ARID1B: variants seen among roughly 807,000 people sequenced by gnomAD.
ARID1B encodes the protein AT-rich interaction domain 1B, also known as AT-rich interactive domain-containing protein 1B.
Under a neutral mutation model 212.3 loss-of-function variants are expected in ARID1B, and 30 were observed. That is an observed-to-expected ratio of 0.14 (90% confidence interval 0.11 to 0.19). The LOEUF (loss-of-function observed/expected upper bound fraction) is 0.19. Ranked by LOEUF, ARID1B falls within the 10% of genes least tolerant of loss-of-function variation. The probability of loss-of-function intolerance (pLI) is 1.00; values close to 1 mark genes in which losing one functional copy is unlikely to be tolerated. For missense variants in ARID1B, 2,891 were observed against 3,204.0 expected (o/e 0.90, Z 2.36); for synonymous variants, 1,402 against 1,301.7 (o/e 1.08, Z -1.66).
At chr6:157,097,332 C>T (rs578030353) in intron 5 of ARID1B, among the ~76,000 whole-genome samples, 1 of 152,260 alleles carries the variant, frequency 6.6e-6, no homozygotes, top group South Asian at 2.1e-4. Flanking sequence ...TGTTATTTCC[C>T]TCAAATTCCA....
chr6:156,901,334 A>T lies in ARID1B; in HGVS notation c.1987-42A>T. 1.9e-6 allele frequency: 3 copies of T among 1,612,636 alleles called. No individual in the cohort carries two copies. The East Asian group carries it at 6.7e-5, about 36-fold the overall frequency. ...ACCATATTTGATTTCATTTAATTGC[A>T]CATTTTGACTTTCTCATTTGCTTTG... On this transcript the variant is annotated intron_variant, in intron 2 of 19. Coordinates refer to ENST00000636930, the MANE Select transcript of ARID1B (RefSeq NM_001374828.1).
At chr6:156,887,835 A>G (rs9322588) in intron 2 of ARID1B, among the ~76,000 whole-genome samples, 42,899 of 152,090 alleles carry the variant, frequency 0.28, 6,220 homozygotes, top group Non-Finnish European at 0.33. Context: ...ATATGCATTT[A>G]TCATGCAAGT....
At chr6:156,904,179 TTATTTTTACCC>T (rs1400878829) in intron 3 of ARID1B, among the ~76,000 whole-genome samples, 1 of 152,214 alleles carries the variant, frequency 6.6e-6, no homozygotes, top group East Asian at 1.9e-4. Context: ...TACCATACTT[TTATTTTTACCC>T]TATTTTTACA....
intron 1 of ARID1B, among the ~76,000 whole-genome samples, chr6:156,817,506 T>G (rs1302246314): frequency 6.6e-6 from 1 of 151,526 alleles, no homozygotes; most frequent in African/African-American, 2.4e-5. Context: ...AGCACACGCT[T>G]GTGGTCCCAG....
intron 2 of ARID1B, among the ~76,000 whole-genome samples, chr6:156,856,798 C>A (rs1784982696): frequency 3.6e-5 from 1 of 27,982 alleles, no homozygotes; most frequent in South Asian, 1.0e-3. Context: ...TGCTGAAAAA[C>A]CCATTCAGTC....
chr6:157,064,945 A>C (rs1258475007), intron 4 of ARID1B, among the ~76,000 whole-genome samples: 1 of 152,224 alleles, frequency 6.6e-6, no homozygotes. Flanking sequence ...ACTGACTATA[A>C]TTCTAAAAGA....
chr6:157,152,576 T>C (rs1402137445), intron 8 of ARID1B, among the ~76,000 whole-genome samples: 2 of 152,242 alleles, frequency 1.3e-5, no homozygotes, highest in Non-Finnish European at 2.9e-5. Context: ...TAAATCTTCC[T>C]TCTGTTCACT....
Position 157,136,164 on chromosome 6 carries a change from G to A in ARID1B, c.2761+2957G>A, listed in dbSNP as rs76672088. 5.9e-3 allele frequency among the ~76,000 whole-genome samples: 896 copies of A among 152,296 alleles called. 2 individuals carry two copies. Among genetic ancestry groups the A allele is most frequent in the East Asian group, 0.032 (168 of 5,184 alleles). On this transcript the variant is annotated intron_variant, in intron 7 of 19. Transcript: ENST00000636930. ...GTTATTACTCCACTTTACAGAGGAAGAAACTGAGGCACAGAACAGGTGAAT... is the reference window on the plus strand; with the variant it reads ...GTTATTACTCCACTTTACAGAGGAAAAAACTGAGGCACAGAACAGGTGAAT...
At chr6:157,177,451 TAATAA>T (rs1792177643) in intron 11 of ARID1B, among the ~76,000 whole-genome samples, 1 of 152,244 alleles carries the variant, frequency 6.6e-6, no homozygotes, top group Non-Finnish European at 1.5e-5. Context: ...ATAGTGTCCT[TAATAA>T]AGCCTGTCTA....
chr6:157,162,330 C>T (rs1046553655), intron 8 of ARID1B, among the ~76,000 whole-genome samples: 3 of 152,148 alleles, frequency 2.0e-5, no homozygotes, highest in Non-Finnish European at 2.9e-5. Flanking sequence ...AAGTGATATT[C>T]CTCTTTCTGT....
intron 12 of ARID1B, among the ~76,000 whole-genome samples, chr6:157,182,630 C>T (rs1792643180): frequency 6.9e-6 from 1 of 145,418 alleles, no homozygotes; most frequent in Non-Finnish European, 1.6e-5. Flanking sequence ...GGGAGGCCTT[C>T]TTTGTGCTTA....
rs1794664582 is a variant in ARID1B at position 157,209,268 on chromosome 6, A to C, written c.*1377A>C. On this transcript the variant is annotated 3_prime_UTR_variant, in exon 20 of 20. Transcript: ENST00000636930. ...ACATTAAATCTTGTTAAGCACTGTG[A>C]TGGGTGTTCTTGAATACTGTTCTAG... 8.6e-6 allele frequency: 2 copies of C among 231,982 alleles called. No homozygotes were observed. Among genetic ancestry groups the C allele is most frequent in the Admixed American group, 5.6e-5 (1 of 17,734 alleles). 14.4% of individuals were successfully genotyped at this position (231,982 alleles called of 1,614,324 possible).
intron 2 of ARID1B, among the ~76,000 whole-genome samples, chr6:156,897,016 C>G (rs1045389918): frequency 6.6e-6 from 1 of 152,074 alleles, no homozygotes; most frequent in Non-Finnish European, 1.5e-5. Flanking sequence ...GCATATTTAA[C>G]GTGATACAGA....
chr6:156,830,175 C>CAATT (rs1783048115), intron 2 of ARID1B, among the ~76,000 whole-genome samples: 1 of 152,140 alleles, frequency 6.6e-6, no homozygotes, highest in African/African-American at 2.4e-5. Flanking sequence ...TTGGAAAAGA[C>CAATT]TAAATTAGAT....
At chr6:156,870,809 TA>T (rs1786067767) in intron 2 of ARID1B, among the ~76,000 whole-genome samples, 1 of 152,214 alleles carries the variant, frequency 6.6e-6, no homozygotes, top group Admixed American at 6.5e-5. Flanking sequence ...TTTACATTTT[TA>T]AAAAGCTGTG....
At chr6:156,895,665 T>C (rs143464994) in intron 2 of ARID1B, among the ~76,000 whole-genome samples, 1 of 152,208 alleles carries the variant, frequency 6.6e-6, no homozygotes, top group East Asian at 1.9e-4. Context: ...AATTTAGACA[T>C]ATAGAAAAGT....
At chr6:157,091,875 G>T (rs891294962) in intron 5 of ARID1B, among the ~76,000 whole-genome samples, 7 of 152,146 alleles carry the variant, frequency 4.6e-5, no homozygotes, top group African/African-American at 1.7e-4. Flanking sequence ...GGCATTTCTT[G>T]TACTGACAGA....
intron 2 of ARID1B, among the ~76,000 whole-genome samples, chr6:156,874,395 A>G (rs1786381911): frequency 6.6e-6 from 1 of 152,200 alleles, no homozygotes; most frequent in Admixed American, 6.5e-5. Flanking sequence ...ATCCTGGAGT[A>G]GGGGCCCTGA....
At chr6:156,881,725 T>G (rs554586524) in intron 2 of ARID1B, among the ~76,000 whole-genome samples, 1 of 152,298 alleles carries the variant, frequency 6.6e-6, no homozygotes, top group South Asian at 2.1e-4. Context: ...AGATATTCCT[T>G]AAAAATTGCC....
Sources: allele counts gnomAD v4.1 joint callset (sites outside exome capture counted in the v4.1 genomes callset), GRCh38; gene constraint gnomAD v4.1.1; transcripts MANE v1.5; gene names NCBI Gene and HGNC (gene_info 2026-07-23, HGNC 2026-07-21).